The following DIXDC1 variants were observed in gnomAD, a reference collection of about 807,000 sequenced individuals.
DIXDC1 encodes DIX domain containing 1.
A neutral mutation model predicts 103.1 loss-of-function variants in DIXDC1; 64 were observed. The ratio of observed to expected loss-of-function variants is 0.62; its 90% confidence interval spans 0.51 to 0.76. DIXDC1 has a LOEUF of 0.76. DIXDC1 is among the 30% of genes least tolerant of loss of function. The pLI is 0.00. For synonymous variants in DIXDC1, 266 were observed against 298.5 expected, an observed-to-expected ratio of 0.89 and a Z score of 1.12; for missense variants, 759 against 834.2, an observed-to-expected ratio of 0.91 and a Z score of 1.11.
At chr11:111,981,338 T>C (rs1480316249) in intron 6 of DIXDC1, among the ~76,000 whole-genome samples, 5 of 152,252 alleles carry the variant, frequency 3.3e-5, no homozygotes, top group African/African-American at 4.8e-5. Flanking sequence ...TTCCATACTC[T>C]GTCTCAGTTG....
chr11:111,938,386 G>A (rs1414259994), intron 1 of DIXDC1, among the ~76,000 whole-genome samples: 1 of 152,178 alleles, frequency 6.6e-6, no homozygotes, highest in African/African-American at 2.4e-5. Flanking sequence ...TCTTAGCCCA[G>A]CATCCAGGGA....
chr11:111,981,307 A>G (rs1377502048), intron 6 of DIXDC1, among the ~76,000 whole-genome samples: 1 of 152,216 alleles, frequency 6.6e-6, no homozygotes, highest in African/African-American at 2.4e-5. Context: ...AAGGACCACA[A>G]AGAGTTCCCT....
In DIXDC1 at chr11:111,958,685, G is replaced by A. The variant is rs978587838; in HGVS notation, c.61-5864G>A. Reference sequence around the variant, plus strand: ...GGTGAAGCCCCACCTTCAAACCAGGGAGGCCTGAAGCCTGGGGGGTCAGGC... The same window carrying A: ...GGTGAAGCCCCACCTTCAAACCAGGAAGGCCTGAAGCCTGGGGGGTCAGGC... On this transcript the variant is annotated intron_variant, in intron 1 of 19. Coordinates refer to ENST00000440460, the MANE Select transcript of DIXDC1 (RefSeq NM_001037954.4). The surrounding 1 kb of genome is among the most constrained non-coding windows in gnomAD (Gnocchi z 4.2). Among the ~76,000 whole-genome samples, 1 of 152,204 alleles carries A rather than the reference G, an allele frequency of 6.6e-6. No individual in the cohort carries two copies. Among genetic ancestry groups the A allele is most frequent in the African/African-American group, 2.4e-5 (1 of 41,462 alleles).
intron 1 of DIXDC1, among the ~76,000 whole-genome samples, chr11:111,949,359 C>T (rs1407870778): frequency 6.6e-6 from 1 of 152,198 alleles, no homozygotes. Context: ...TTCTTCATGT[C>T]TTCTCCATCC....
At position 111,977,605 on chromosome 11, in the gene DIXDC1, T is replaced by G; in HGVS notation, c.656+2622T>G. The G allele has an allele frequency of 6.6e-7, 1 of 1,519,486 alleles. No homozygotes were observed. The highest frequency in any genetic ancestry group is 1.2e-5 in the South Asian group (1 of 81,346). The allele number at this position is 1,519,486 out of a possible 1,614,324, so 94.1% of individuals were successfully genotyped here. Reference sequence around the variant, plus strand: ...ACGCCGCCGCCGCCGCCGTTCCCGCTTTCTCCCGCGAGCCGGGCCAGTAGC... The same window carrying G: ...ACGCCGCCGCCGCCGCCGTTCCCGCGTTCTCCCGCGAGCCGGGCCAGTAGC... On this transcript the variant is annotated intron_variant, in intron 5 of 19. Coordinates refer to ENST00000440460, the MANE Select transcript of DIXDC1 (RefSeq NM_001037954.4). This position sits in a 1 kb window ranked among gnomAD's most constrained non-coding sequence, Gnocchi z 6.1.
intron 2 of DIXDC1, among the ~76,000 whole-genome samples, chr11:111,968,093 C>G (rs1320678070): frequency 6.6e-6 from 1 of 152,238 alleles, no homozygotes; most frequent in South Asian, 2.1e-4. Context: ...TCCTCAAGCA[C>G]TTATCGCTAC....
chr11:112,005,984 G>A (rs1286765812), intron 17 of DIXDC1, among the ~76,000 whole-genome samples: 1 of 152,132 alleles, frequency 6.6e-6, no homozygotes, highest in Non-Finnish European at 1.5e-5. Flanking sequence ...GCAGGGCGTC[G>A]CCTCACCCAG....
intron 10 of DIXDC1, 82 bp from the exon 11 acceptor site, chr11:111,992,333 A>C: frequency 7.9e-7 from 1 of 1,272,178 alleles, no homozygotes; most frequent in Non-Finnish European, 1.1e-6. Flanking sequence ...CTGGAAACAC[A>C]TTAAAGGCTT....
At chr11:111,988,795 T>G (rs1860590801) in intron 9 of DIXDC1, among the ~76,000 whole-genome samples, 1 of 152,198 alleles carries the variant, frequency 6.6e-6, no homozygotes, top group Non-Finnish European at 1.5e-5. Flanking sequence ...TAAGCCTGGG[T>G]GCCAACAGGG....
chr11:112,003,990 G>A (rs1273320494), intron 17 of DIXDC1, among the ~76,000 whole-genome samples: 2 of 141,892 alleles, frequency 1.4e-5, no homozygotes, highest in African/African-American at 5.2e-5. Context: ...ACCAGCCTGG[G>A]CAACATAAAA....
At chr11:111,929,583 TAAAAAAAAAAAA>T (rs587666008) in intron 1 of DIXDC1, among the ~76,000 whole-genome samples, 2 of 90,636 alleles carry the variant, frequency 2.2e-5, no homozygotes, top group African/African-American at 8.4e-5. Flanking sequence ...ACCTTATCTC[TAAAAAAAAAAAA>T]AAAAAAAAAA....
intron 17 of DIXDC1, among the ~76,000 whole-genome samples, chr11:112,016,459 C>T (rs1371046360): frequency 6.6e-6 from 1 of 152,138 alleles, no homozygotes; most frequent in Non-Finnish European, 1.5e-5. Context: ...GTTGCTGTTC[C>T]CCTACTATGA....
At position 111,974,995 on chromosome 11, in the gene DIXDC1, C is replaced by A; in HGVS notation, c.656+12C>A. On this transcript the variant is annotated intron_variant, in intron 5 of 19. Coordinates refer to ENST00000440460, the MANE Select transcript of DIXDC1 (RefSeq NM_001037954.4). ...TCCAGCTGCTCCAGGTAACTGTGGC[C>A]TCTGAAACCTGAATTCTGGAGGATT... 2 of 1,605,476 alleles carry A rather than the reference C, an allele frequency of 1.2e-6. No individual in the cohort carries two copies. The highest frequency in any genetic ancestry group is 1.7e-6 in the Non-Finnish European group (2 of 1,176,478).
chr11:112,013,315 G>A (rs1203371063), intron 17 of DIXDC1, among the ~76,000 whole-genome samples: 1 of 122,906 alleles, frequency 8.1e-6, no homozygotes, highest in South Asian at 2.8e-4. Flanking sequence ...TTGACGGGTC[G>A]GGGGGTGGGG....
intron 3 of DIXDC1, among the ~76,000 whole-genome samples, chr11:111,971,736 C>CTA (rs1210193483): frequency 2.0e-5 from 3 of 151,058 alleles, no homozygotes; most frequent in Non-Finnish European, 4.4e-5. Context: ...ATATCTATAT[C>CTA]TATATCTATA....
upstream of DIXDC1, chr11:111,937,263 A>G (rs1442078564): frequency 2.3e-5 from 29 of 1,275,422 alleles, no homozygotes; most frequent in Non-Finnish European, 2.8e-5. Flanking sequence ...GTGCGCGCCC[A>G]GTTGTTTCCA....
At chr11:111,953,479 A>T (rs1566479126) in intron 1 of DIXDC1, among the ~76,000 whole-genome samples, 1 of 152,168 alleles carries the variant, frequency 6.6e-6, no homozygotes, top group Non-Finnish European at 1.5e-5. Flanking sequence ...TCTACTAAAA[A>T]TATAAAAAAT....
chr11:111,984,316 C>T (rs1276652844), intron 7 of DIXDC1, among the ~76,000 whole-genome samples: 3 of 152,102 alleles, frequency 2.0e-5, no homozygotes, highest in South Asian at 2.1e-4. Flanking sequence ...GAGGCTGAGG[C>T]GGGTGGATTG....
intron 1 of DIXDC1, among the ~76,000 whole-genome samples, chr11:111,961,426 C>G (rs1308153241): frequency 6.6e-6 from 1 of 152,166 alleles, no homozygotes; most frequent in Admixed American, 6.5e-5. Context: ...CGTTTTGTGT[C>G]TCTGTTTTCA....
Sources: allele counts gnomAD v4.1 joint callset (sites outside exome capture counted in the v4.1 genomes callset), GRCh38; gene constraint gnomAD v4.1.1; non-coding constraint Gnocchi (gnomAD v3.1); transcripts MANE v1.5; gene names NCBI Gene and HGNC (gene_info 2026-07-23, HGNC 2026-07-21).